SOX5: variants seen among roughly 807,000 people sequenced by gnomAD.
The protein encoded by SOX5 is SRY-box transcription factor 5.
A neutral mutation model predicts 92.0 loss-of-function variants in SOX5; 9 were observed. That is an observed-to-expected ratio of 0.10 (90% CI 0.06 to 0.17). SOX5 has a LOEUF of 0.17. Among genes scored for constraint, SOX5 ranks in the 10% least tolerant of loss-of-function variants. The probability of loss-of-function intolerance (pLI) is 1.00; values close to 1 mark genes in which losing one functional copy is unlikely to be tolerated. For missense variants in SOX5, 642 were observed against 944.5 expected (o/e 0.68, Z 4.20); for synonymous variants, 344 against 336.3 (o/e 1.02, Z -0.25).
chr12:23,973,237 C>G (rs896734824), intron 4 of SOX5, among the ~76,000 whole-genome samples: 3 of 148,028 alleles, frequency 2.0e-5, no homozygotes, highest in Admixed American at 1.4e-4. Context: ...TCTCAGCTCA[C>G]TGCAACCTCT....
At chr12:24,540,608 G>T (rs759093193) in intron 1 of SOX5, among the ~76,000 whole-genome samples, 4 of 152,144 alleles carry the variant, frequency 2.6e-5, no homozygotes, top group African/African-American at 4.8e-5. Context: ...ATGAATCTTG[G>T]TATAAAATGC....
chr12:24,132,010 C>A (rs889060707), intron 4 of SOX5, among the ~76,000 whole-genome samples: 1 of 152,126 alleles, frequency 6.6e-6, no homozygotes, highest in Non-Finnish European at 1.5e-5. Context: ...GTTATCATTT[C>A]ATTGATAATT....
chr12:24,146,146 G>A (rs1181627988), intron 4 of SOX5, among the ~76,000 whole-genome samples: 5 of 152,098 alleles, frequency 3.3e-5, no homozygotes, highest in African/African-American at 4.8e-5. Flanking sequence ...GAACTAACTG[G>A]CATTGGTAGA....
chr12:23,818,313 T>G (rs1242650032), intron 3 of SOX5, among the ~76,000 whole-genome samples: 1 of 152,208 alleles, frequency 6.6e-6, no homozygotes, highest in Non-Finnish European at 1.5e-5. Context: ...TACAGCTTGT[T>G]ACTGTGCTGA....
chr12:23,736,243 C>T (rs759703861), intron 5 of SOX5, among the ~76,000 whole-genome samples: 2 of 151,816 alleles, frequency 1.3e-5, no homozygotes, highest in Admixed American at 6.6e-5. Flanking sequence ...GGGTGGATCA[C>T]GAGGTCAGGA....
In SOX5 at chr12:24,560,985, T is replaced by G. The variant is rs138617368; in HGVS notation, c.-251+1344A>C. Among the ~76,000 whole-genome samples, 632 of 152,328 alleles carry G rather than the reference T, an allele frequency of 4.1e-3. 16 individuals are homozygous for G. The highest frequency in any genetic ancestry group is 6.8e-3 in the Middle Eastern group (2 of 294). ...AATCACTGTCCAGTCCCTTTGCAGA[T>G]TCCCACACTTACTGCCCCAAATCCC... On this transcript the variant is annotated intron_variant, in intron 1 of 4. Coordinates refer to the SOX5 transcript ENST00000446891.
At chr12:24,311,508 G>A (rs1297153245) in intron 2 of SOX5, among the ~76,000 whole-genome samples, 1 of 152,056 alleles carries the variant, frequency 6.6e-6, no homozygotes, top group East Asian at 1.9e-4. Flanking sequence ...GGATATATGA[G>A]GAATAGGATT....
intron 4 of SOX5, among the ~76,000 whole-genome samples, chr12:24,101,215 T>TGA (rs900663156): frequency 3.3e-5 from 5 of 152,182 alleles, no homozygotes; most frequent in Admixed American, 3.3e-4. Flanking sequence ...TTTTATCTCC[T>TGA]AATTATGTTC....
intron 3 of SOX5, among the ~76,000 whole-genome samples, chr12:23,798,332 C>T (rs1225373372): frequency 6.6e-6 from 1 of 151,780 alleles, no homozygotes; most frequent in African/African-American, 2.4e-5. Flanking sequence ...ATACAAAATT[C>T]TTATTTTTCT....
intron 1 of SOX5, among the ~76,000 whole-genome samples, chr12:24,427,230 GC>G (rs1331546174): frequency 6.6e-6 from 1 of 152,162 alleles, no homozygotes; most frequent in African/African-American, 2.4e-5. Context: ...TTCTGCTTAT[GC>G]CTTTTCTATA....
At chr12:24,284,128 C>A (rs1212409866) in intron 2 of SOX5, among the ~76,000 whole-genome samples, 4 of 152,154 alleles carry the variant, frequency 2.6e-5, no homozygotes, top group African/African-American at 9.7e-5. Context: ...ATTTAAGTAG[C>A]GGTTATCTTT....
chr12:24,017,930 C>G (rs1953846255), intron 4 of SOX5, among the ~76,000 whole-genome samples: 1 of 152,164 alleles, frequency 6.6e-6, no homozygotes, highest in Non-Finnish European at 1.5e-5. Flanking sequence ...GGCATCTTCC[C>G]CCGTTTGAGG....
intron 1 of SOX5, among the ~76,000 whole-genome samples, chr12:24,551,841 T>A (rs753168880): frequency 3.3e-5 from 5 of 152,250 alleles, no homozygotes; most frequent in Non-Finnish European, 5.9e-5. Flanking sequence ...ATAGTAATCA[T>A]AATCAAACTC....
At chr12:24,054,930 C>A (rs115321452) in intron 4 of SOX5, among the ~76,000 whole-genome samples, 2,133 of 152,072 alleles carry the variant, frequency 0.014, 38 homozygotes, top group African/African-American at 0.049. Context: ...GGGAGTGAGG[C>A]GCGTGGAAAC....
chr12:24,394,056 A>T (rs1278152478), intron 1 of SOX5, among the ~76,000 whole-genome samples: 1 of 152,180 alleles, frequency 6.6e-6, no homozygotes, highest in Non-Finnish European at 1.5e-5. Flanking sequence ...GCTGAAAGAA[A>T]TCGGAAGAGA....
At chr12:24,320,622 T>C (rs1433661018) in intron 2 of SOX5, among the ~76,000 whole-genome samples, 1 of 152,054 alleles carries the variant, frequency 6.6e-6, no homozygotes, top group Non-Finnish European at 1.5e-5. Flanking sequence ...TACCAGCACT[T>C]TGGGAGGCCG....
At chr12:23,720,091 A>G (rs920304830) in intron 6 of SOX5, among the ~76,000 whole-genome samples, 3 of 152,330 alleles carry the variant, frequency 2.0e-5, no homozygotes, top group African/African-American at 7.2e-5. Context: ...GACTCATTCC[A>G]TGTTTCAAGG....
At chr12:24,190,777 A>G (rs547933112) in intron 4 of SOX5, among the ~76,000 whole-genome samples, 22 of 152,348 alleles carry the variant, frequency 1.4e-4, no homozygotes, top group African/African-American at 5.3e-4. Flanking sequence ...CCATCAATTT[A>G]AGATGCATCC....
At chr12:24,268,144 T>C (rs541885077) in intron 3 of SOX5, among the ~76,000 whole-genome samples, 1 of 152,310 alleles carries the variant, frequency 6.6e-6, no homozygotes, top group Admixed American at 6.5e-5. Context: ...AATTCAAAAG[T>C]GTGCTAGTAA....
Sources: allele counts gnomAD v4.1 joint callset (sites outside exome capture counted in the v4.1 genomes callset), GRCh38; gene constraint gnomAD v4.1.1; transcripts MANE v1.5; gene names NCBI Gene and HGNC (gene_info 2026-07-23, HGNC 2026-07-21).